The following GSE1 variants were observed in gnomAD, a reference collection of about 807,000 sequenced individuals.
The protein encoded by GSE1 is genetic suppressor element 1.
In GSE1, 32 loss-of-function variants were observed where a neutral mutation model predicts 112.6. The observed-to-expected ratio is 0.28, with a 90% CI of 0.21 to 0.38. The LOEUF (loss-of-function observed/expected upper bound fraction) is 0.38. Among genes scored for constraint, GSE1 ranks in the 10% least tolerant of loss-of-function variants. GSE1 has a pLI of 1.00. For missense variants in GSE1, 2,348 were observed against 1,699.2 expected (o/e 1.38, Z -6.71); for synonymous variants, 1,115 against 735.6 (o/e 1.52, Z -8.35).
At chr16:85,590,284 G>A (rs111172015) in intron 1 of GSE1, among the ~76,000 whole-genome samples, 4,808 of 151,796 alleles carry the variant, frequency 0.032, 249 homozygotes, top group African/African-American at 0.11. Flanking sequence ...GTGTGAACAT[G>A]TGTGACTGTG....
intron 1 of GSE1, among the ~76,000 whole-genome samples, chr16:85,314,599 C>T (rs2045947375): frequency 6.6e-6 from 1 of 152,212 alleles, no homozygotes; most frequent in Admixed American, 6.5e-5. Context: ...CGAACACACC[C>T]ACAGGCTCCC....
In GSE1 at chr16:85,663,519, G is replaced by A. The variant is rs1567754204; in HGVS notation, c.2549G>A (p.Ser850Asn). The change falls in exon 11 of 16, where the codon AGC becomes AAC. Residue 850 changes from serine (S) to asparagine (N), a missense_variant. Transcript: ENST00000253458. Reference sequence around the variant, plus strand: ...AGACTGGCGCTGTCTACCCGCTACAGCCCTGATGAGATGAACAACAGTCCC... The same window carrying A: ...AGACTGGCGCTGTCTACCCGCTACAACCCTGATGAGATGAACAACAGTCCC... ...SPRLALSTRY[S>N]PDEMNNSPNF... 6.2e-7 allele frequency: 1 copy of A among 1,613,874 alleles called. No individual in the cohort carries two copies. The highest frequency in any genetic ancestry group is 2.2e-5 in the East Asian group (1 of 44,868).
chr16:85,663,652 G>A lies in GSE1; in HGVS notation c.2644+38G>A, dbSNP rs115139549. ...CTGGGTAGGAAGGTGGGGGCTCACT[G>A]GGGTGGAAGTGGGTTTCTGAAGCAG... On this transcript the variant is annotated intron_variant, in intron 11 of 15. Coordinates refer to ENST00000253458, the MANE Select transcript of GSE1 (RefSeq NM_014615.5). The A allele has an allele frequency of 2.3e-3, 3,632 of 1,582,304 alleles. 86 individuals are homozygous for A. In the African/African-American group the frequency reaches 0.045, roughly 20 times the overall value.
chr16:85,630,479 C>T (rs553518897), intron 1 of GSE1, among the ~76,000 whole-genome samples: 2 of 152,018 alleles, frequency 1.3e-5, no homozygotes, highest in Non-Finnish European at 1.5e-5. Flanking sequence ...TACAGGTACG[C>T]ATGTGTCGTT....
chr16:85,192,818 T>C (rs1467961037), intron 1 of GSE1, among the ~76,000 whole-genome samples: 1 of 152,114 alleles, frequency 6.6e-6, no homozygotes, highest in African/African-American at 2.4e-5. Flanking sequence ...GAGAAGGCGA[T>C]GGGGTCGAGG....
At chr16:85,258,739 T>A (rs920448695) in intron 1 of GSE1, among the ~76,000 whole-genome samples, 3 of 152,076 alleles carry the variant, frequency 2.0e-5, no homozygotes, top group African/African-American at 7.2e-5. Flanking sequence ...CACCATGCAC[T>A]CCTCCAGGAG....
At chr16:85,545,777 TTTG>T (rs2044674010) in intron 2 of GSE1, among the ~76,000 whole-genome samples, 2 of 152,024 alleles carry the variant, frequency 1.3e-5, no homozygotes, top group South Asian at 2.1e-4. Context: ...TTTTGGTTTG[TTTG>T]TTTGTTTGTT....
intron 1 of GSE1, among the ~76,000 whole-genome samples, chr16:85,265,389 T>A (rs957018109): frequency 1.2e-4 from 19 of 152,158 alleles, no homozygotes; most frequent in Non-Finnish European, 2.5e-4. Context: ...TGCTCAGAGT[T>A]GCTGTCCTCC....
chr16:85,584,258 G>A (rs1342519520), intron 1 of GSE1, among the ~76,000 whole-genome samples: 1 of 152,174 alleles, frequency 6.6e-6, no homozygotes, highest in Admixed American at 6.5e-5. Context: ...TTGGGCAGGA[G>A]GGAGTTCCCA....
At chr16:85,588,961 A>T (rs559805490) in intron 1 of GSE1, among the ~76,000 whole-genome samples, 19 of 152,152 alleles carry the variant, frequency 1.2e-4, no homozygotes, top group African/African-American at 3.4e-4. Context: ...ATTCACACAC[A>T]CGTTCACACT....
At chr16:85,543,628 C>T (rs763846001) in intron 2 of GSE1, among the ~76,000 whole-genome samples, 1 of 152,162 alleles carries the variant, frequency 6.6e-6, no homozygotes, top group Non-Finnish European at 1.5e-5. Flanking sequence ...GAATCTGAGA[C>T]AGCTGGAAGA....
At chr16:85,635,140 G>A (rs960448880) in intron 2 of GSE1, among the ~76,000 whole-genome samples, 2 of 152,152 alleles carry the variant, frequency 1.3e-5, no homozygotes, top group African/African-American at 4.8e-5. Flanking sequence ...AGGGCGGGCT[G>A]GGGGGACTTC....
intron 2 of GSE1, among the ~76,000 whole-genome samples, chr16:85,431,782 C>T (rs1054713986): frequency 2.0e-5 from 3 of 152,264 alleles, no homozygotes; most frequent in African/African-American, 7.2e-5. Flanking sequence ...GCCCCCCAGC[C>T]ACCCACGCAC....
At chr16:85,241,122 C>G (rs1460556539) in intron 1 of GSE1, among the ~76,000 whole-genome samples, 2 of 152,192 alleles carry the variant, frequency 1.3e-5, no homozygotes, top group East Asian at 1.9e-4. Flanking sequence ...CAGACCTGAG[C>G]TTGAACCTGG....
chr16:85,499,949 G>A (rs1212072244), intron 2 of GSE1, among the ~76,000 whole-genome samples: 1 of 152,206 alleles, frequency 6.6e-6, no homozygotes, highest in Non-Finnish European at 1.5e-5. Context: ...TCTTCATTTG[G>A]ATTCCAGAAA....
upstream of GSE1, among the ~76,000 whole-genome samples, chr16:85,609,018 G>T (rs566817367): frequency 1.3e-5 from 2 of 152,308 alleles, no homozygotes; most frequent in East Asian, 1.9e-4. Context: ...TCCATCCTCC[G>T]CCAGGGCTAG....
At chr16:85,302,274 G>A (rs965053627) in intron 1 of GSE1, among the ~76,000 whole-genome samples, 2 of 152,090 alleles carry the variant, frequency 1.3e-5, no homozygotes, top group African/African-American at 4.8e-5. Context: ...AATTTAATCC[G>A]GGGTGACTCG....
intron 1 of GSE1, among the ~76,000 whole-genome samples, chr16:85,344,465 A>G (rs2046692060): frequency 6.6e-6 from 1 of 152,192 alleles, no homozygotes; most frequent in Non-Finnish European, 1.5e-5. Context: ...TGCCCTCCTG[A>G]GAAGCTGTGA....
chr16:85,577,508 C>T (rs1385883464), intron 1 of GSE1, among the ~76,000 whole-genome samples: 5 of 152,200 alleles, frequency 3.3e-5, no homozygotes, highest in Admixed American at 3.3e-4. Flanking sequence ...GCTTATTGAG[C>T]GCCTACTCTA....
Sources: gnomAD v4.1 joint callset for allele counts (sites outside exome capture counted in the v4.1 genomes callset) on GRCh38, gnomAD v4.1.1 for gene constraint, MANE v1.5 for transcripts, NCBI Gene and HGNC (gene_info 2026-07-23, HGNC 2026-07-21) for gene names.